Variants in ITGAV observed in about 807,000 individuals in gnomAD.
ITGAV encodes integrin subunit alpha V, also known as integrin alpha-V.
Under a neutral mutation model 143.8 loss-of-function variants are expected in ITGAV, and 76 were observed. That is an observed-to-expected ratio of 0.53 (90% CI 0.44 to 0.64). The LOEUF (loss-of-function observed/expected upper bound fraction) is 0.64, where lower values mean the gene tolerates loss of function less well. ITGAV is among the 30% of genes least tolerant of loss of function. The pLI is 0.00. For synonymous variants in ITGAV, 453 were observed against 446.7 expected, an observed-to-expected ratio of 1.01 and a Z score of -0.18; for missense variants, 1,193 against 1,274.7, an observed-to-expected ratio of 0.94 and a Z score of 0.98.
chr2:186,653,503 G>T (rs1471045379), intron 15 of ITGAV, among the ~76,000 whole-genome samples: 1 of 152,112 alleles, frequency 6.6e-6, no homozygotes, highest in Non-Finnish European at 1.5e-5. Flanking sequence ...TAAAGATATT[G>T]TTCCTGAATT....
chr2:186,618,537 T>G (rs1021761097), intron 2 of ITGAV, among the ~76,000 whole-genome samples: 8 of 152,250 alleles, frequency 5.3e-5, no homozygotes, highest in Admixed American at 5.2e-4. Context: ...CAGAACATGG[T>G]AGCTTTGCAA....
intron 17 of ITGAV, among the ~76,000 whole-genome samples, chr2:186,658,496 A>T (rs966191776): frequency 6.6e-6 from 1 of 152,184 alleles, no homozygotes; most frequent in African/African-American, 2.4e-5. Flanking sequence ...CAATTTCTGT[A>T]ATAGCAAAAA....
chr2:186,650,662 C>T (rs1479843351), intron 14 of ITGAV, among the ~76,000 whole-genome samples: 1 of 151,856 alleles, frequency 6.6e-6, no homozygotes, highest in Non-Finnish European at 1.5e-5. Context: ...TCTCGTGCCT[C>T]AGCCTCCCGA....
chr2:186,621,892 G>A (rs1459328366), intron 2 of ITGAV, among the ~76,000 whole-genome samples: 1 of 151,984 alleles, frequency 6.6e-6, no homozygotes, highest in Non-Finnish European at 1.5e-5. Context: ...TCTAATTCTT[G>A]CATTGTTATG....
At chr2:186,674,244 G>T (rs1053701050) in intron 26 of ITGAV, among the ~76,000 whole-genome samples, 2 of 152,034 alleles carry the variant, frequency 1.3e-5, no homozygotes, top group African/African-American at 4.8e-5. Flanking sequence ...CTAAAGTGTT[G>T]AAGTTACAGG....
intron 24 of ITGAV, chr2:186,668,394 T>G: frequency 4.6e-6 from 1 of 217,934 alleles, no homozygotes; most frequent in South Asian, 6.0e-5. Context: ...CCCGGCTAAT[T>G]TTTGTATTTT....
At chr2:186,618,100 T>C (rs1326514022) in intron 2 of ITGAV, among the ~76,000 whole-genome samples, 1 of 152,246 alleles carries the variant, frequency 6.6e-6, no homozygotes, top group Non-Finnish European at 1.5e-5. Context: ...GGCTTTCTTT[T>C]GCATTCTCTT....
chr2:186,633,736 ATCTGT>A, intron 6 of ITGAV, among the ~76,000 whole-genome samples: 1 of 152,202 alleles, frequency 6.6e-6, no homozygotes, highest in East Asian at 1.9e-4. Flanking sequence ...TGCGAAACCA[ATCTGT>A]ATAGGCCAAC....
rs775293778 is a variant in ITGAV, at chr2:186,675,746, A to G, written c.2820+29A>G. 1.9e-6 allele frequency: 3 copies of G among 1,564,228 alleles called. No homozygotes were observed. In the South Asian group the frequency reaches 3.3e-5, roughly 17 times the overall value. On this transcript the variant is annotated intron_variant, in intron 27 of 29. Coordinates refer to ENST00000261023, the MANE Select transcript of ITGAV (RefSeq NM_002210.5). ...AGTAGACAGGTGCAGCATTTAGCAA[A>G]CATACCCAGTGTTTTCAAATAAATA...
chr2:186,649,893 T>TAAAA lies in ITGAV; in HGVS notation c.1397+8_1397+9insAAAA. 1.4e-6 allele frequency: 2 copies of TAAAA among 1,471,358 alleles called. No homozygotes were observed. Among genetic ancestry groups the TAAAA allele is most frequent in the South Asian group, 1.3e-5 (1 of 74,386 alleles). The allele number at this position is 1,471,358 out of a possible 1,614,324, so 91.1% of individuals were successfully genotyped here. On this transcript the variant is annotated intron_variant, in intron 14 of 29. Coordinates refer to ENST00000261023, the MANE Select transcript of ITGAV (RefSeq NM_002210.5). ...TCGAGCTATCTTATACAGGTGAGCA[T>TAAAA]TTTCTGTATCCTGCGGTATAGGAAT... is the stretch of plus-strand genomic sequence containing the variant.
At chr2:186,591,660 G>A (rs1219337004) in intron 1 of ITGAV, among the ~76,000 whole-genome samples, 2 of 152,156 alleles carry the variant, frequency 1.3e-5, no homozygotes, top group African/African-American at 4.8e-5. Flanking sequence ...TTCTATGACT[G>A]TTAGGACACT....
At chr2:186,599,987 C>A (rs1686852953) in intron 1 of ITGAV, among the ~76,000 whole-genome samples, 1 of 152,110 alleles carries the variant, frequency 6.6e-6, no homozygotes, top group Non-Finnish European at 1.5e-5. Context: ...ATTTTTTTCT[C>A]CCTCTCCCTT....
chr2:186,611,799 G>T (rs1403377350), intron 2 of ITGAV, among the ~76,000 whole-genome samples: 1 of 152,124 alleles, frequency 6.6e-6, no homozygotes, highest in Non-Finnish European at 1.5e-5. Flanking sequence ...ATGGTGGCCT[G>T]GTGGCTCATG....
At chr2:186,617,256 A>G (rs765869404) in intron 2 of ITGAV, among the ~76,000 whole-genome samples, 2 of 152,220 alleles carry the variant, frequency 1.3e-5, no homozygotes, top group Non-Finnish European at 2.9e-5. Flanking sequence ...TTGGCATGAA[A>G]AGAAGAAACA....
chr2:186,655,160 C>T (rs1237302520), intron 16 of ITGAV, among the ~76,000 whole-genome samples: 1 of 152,190 alleles, frequency 6.6e-6, no homozygotes, highest in Non-Finnish European at 1.5e-5. Context: ...ACACAGCAAA[C>T]TCTACTCTTC....
intron 1 of ITGAV, 152 bp downstream of exon 1, chr2:186,590,675 G>C: frequency 1.5e-6 from 1 of 670,446 alleles, no homozygotes; most frequent in Non-Finnish European, 2.4e-6. Flanking sequence ...CCTGGGTGGA[G>C]GAAATATTTG....
At position 186,590,533 on chromosome 2, in the gene ITGAV, C is replaced by G. The variant is rs761306595; in HGVS notation, c.185+10C>G. The G allele has an allele frequency of 3.1e-6, 5 of 1,609,294 alleles. No individual in the cohort carries two copies. Among genetic ancestry groups the G allele is most frequent in the African/African-American group, 2.7e-5 (2 of 74,856 alleles). On this transcript the variant is annotated intron_variant, in intron 1 of 29. Coordinates refer to ENST00000261023, the MANE Select transcript of ITGAV (RefSeq NM_002210.5). Reference sequence around the variant, plus strand: ...TGCCCAGCGCGTCTTCGTAAGTGGCCGCACTTGGAACTGGAGCCGGCCCCC... The same window carrying G: ...TGCCCAGCGCGTCTTCGTAAGTGGCGGCACTTGGAACTGGAGCCGGCCCCC...
intron 15 of ITGAV, 75 bp downstream of exon 15, chr2:186,652,164 G>A (rs953663949): frequency 3.4e-6 from 3 of 891,400 alleles, no homozygotes; most frequent in African/African-American, 1.7e-5. Context: ...GAAAATGAAG[G>A]TGGTAGGGCT....
chr2:186,607,788 CTGAG>C (rs987027674), intron 2 of ITGAV, among the ~76,000 whole-genome samples: 1 of 152,140 alleles, frequency 6.6e-6, no homozygotes, highest in African/African-American at 2.4e-5. Context: ...GTCTGACTTA[CTGAG>C]TATCTGAGTG....
Sources: gnomAD v4.1 joint callset for allele counts (sites outside exome capture counted in the v4.1 genomes callset) on GRCh38, gnomAD v4.1.1 for gene constraint, MANE v1.5 for transcripts, NCBI Gene and HGNC (gene_info 2026-07-23, HGNC 2026-07-21) for gene names.